The following ZZZ3 variants were observed in gnomAD, a reference collection of about 807,000 sequenced individuals.
ZZZ3 encodes the protein zinc finger ZZ-type containing 3.
Under a neutral mutation model 95.2 loss-of-function variants are expected in ZZZ3, and 22 were observed. The observed-to-expected ratio is 0.23, with a 90% confidence interval of 0.17 to 0.33. The LOEUF (loss-of-function observed/expected upper bound fraction) is 0.33. Among genes scored for constraint, ZZZ3 ranks in the 10% least tolerant of loss-of-function variants. ZZZ3 has a pLI of 1.00. For synonymous variants in ZZZ3, 335 were observed against 358.9 expected (o/e 0.93, Z 0.75); for missense variants, 885 against 1,066.5 (o/e 0.83, Z 2.37).
chr1:77,609,739 T>C (rs951591258), intron 5 of ZZZ3, among the ~76,000 whole-genome samples: 6 of 152,116 alleles, frequency 3.9e-5, no homozygotes, highest in Non-Finnish European at 8.8e-5. Context: ...AAGAGGATTT[T>C]GGAAACAATA....
intron 12 of ZZZ3, 116 bp downstream of exon 12, chr1:77,575,952 T>C (rs1016470166): frequency 1.2e-6 from 1 of 807,012 alleles, no homozygotes; most frequent in Non-Finnish European, 1.8e-6. Flanking sequence ...TTAAAAACTA[T>C]ACATTTGACT....
intron 5 of ZZZ3, among the ~76,000 whole-genome samples, chr1:77,626,022 G>C (rs1334198733): frequency 6.6e-6 from 1 of 151,738 alleles, no homozygotes; most frequent in African/African-American, 2.4e-5. Flanking sequence ...AAAAGAAAAG[G>C]TTAAATTATA....
chr1:77,637,140 G>A (rs1668377660), intron 4 of ZZZ3, among the ~76,000 whole-genome samples: 1 of 152,180 alleles, frequency 6.6e-6, no homozygotes, highest in African/African-American at 2.4e-5. Flanking sequence ...CCTTAGGCTA[G>A]TGAACCCAGA....
At chr1:77,625,074 A>T (rs1236076732) in intron 5 of ZZZ3, among the ~76,000 whole-genome samples, 3 of 152,152 alleles carry the variant, frequency 2.0e-5, no homozygotes, top group Non-Finnish European at 4.4e-5. Flanking sequence ...AGAAGGAAAA[A>T]AGTTGGGTTT....
At chr1:77,681,925 G>C (rs1457411971) in intron 1 of ZZZ3, among the ~76,000 whole-genome samples, 2 of 147,166 alleles carry the variant, frequency 1.4e-5, no homozygotes, top group African/African-American at 5.0e-5. Context: ...AAAATCACAT[G>C]AAACAGTCTG....
rs1216444879 is a variant in ZZZ3, at chr1:77,644,473, GAA to G, written c.-402-2820_-402-2819del. On this transcript the variant is annotated intron_variant, in intron 1 of 14. Coordinates refer to ENST00000370801, the MANE Select transcript of ZZZ3 (RefSeq NM_015534.6). ...CAAAGAAGAGTACATTTTCTGCTCA[GAA>G]CCACATGTTCAGTGTCTTGGATGCC... Among the ~76,000 whole-genome samples the G allele has an allele frequency of 3.3e-5, 5 of 152,288 alleles. No homozygotes were observed. In the East Asian group the frequency reaches 7.7e-4, roughly 24 times the overall value.
At chr1:77,652,699 G>A (rs534870244) in intron 1 of ZZZ3, among the ~76,000 whole-genome samples, 10 of 152,224 alleles carry the variant, frequency 6.6e-5, no homozygotes, top group Non-Finnish European at 1.3e-4. Context: ...CAACTTAAAG[G>A]TCCATCAACT....
intron 1 of ZZZ3, among the ~76,000 whole-genome samples, chr1:77,674,951 CAA>C (rs538347422): frequency 2.7e-4 from 20 of 73,574 alleles, no homozygotes; most frequent in East Asian, 4.6e-4. Context: ...GACTCGGTCT[CAA>C]AAAAAAAAAA....
chr1:77,572,856 G>C (rs1254215329), intron 12 of ZZZ3, among the ~76,000 whole-genome samples: 1 of 150,272 alleles, frequency 6.7e-6, no homozygotes, highest in Non-Finnish European at 1.5e-5. Context: ...ATGTTGCCCA[G>C]GCTGGTCTTG....
At chr1:77,580,811 T>C (rs112924481) in intron 9 of ZZZ3, 187 bp downstream of exon 9, 25,915 of 502,424 alleles carry the variant, frequency 0.052, 907 homozygotes, top group Non-Finnish European at 0.067. Flanking sequence ...TTTGTATTTT[T>C]AGTAGGGTTT....
Position 77,633,167 on chromosome 1 carries a change from T to C in ZZZ3, c.188A>G (p.Asn63Ser), listed in dbSNP as rs1422687230. The change falls in exon 5 of 15, where the codon AAT (asparagine) becomes AGT (serine). Residue 63 changes from asparagine to serine, a missense_variant. Transcript: ENST00000370801. ...TAAATCAGTGGTTCTCCCATTATTA[T>C]TTCCTTTCTGAATTGGCACAGGCTC... ...RPEPVPIQKG[N>S]NNGRTTDLKQ... 2 of 1,614,048 alleles carry C rather than the reference T, an allele frequency of 1.2e-6. No homozygotes were observed. The highest frequency in any genetic ancestry group is 1.7e-5 in the Admixed American group (1 of 59,988).
chr1:77,573,069 A>G (rs1661568749), intron 12 of ZZZ3, among the ~76,000 whole-genome samples: 1 of 152,066 alleles, frequency 6.6e-6, no homozygotes, highest in Non-Finnish European at 1.5e-5. Context: ...ATCTAAATTA[A>G]GTACCTCTTA....
chr1:77,581,661 C>A, intron 8 of ZZZ3, 115 bp downstream of exon 8: 1 of 781,096 alleles, frequency 1.3e-6, no homozygotes, highest in Non-Finnish European at 2.0e-6. Context: ...AAGTTCTTAT[C>A]TCCTTTATCT....
Position 77,576,123 on chromosome 1 carries a change from T to A in ZZZ3, c.2276A>T (p.Asp759Val). Residue 759 changes from aspartate to valine, a missense_variant, in exon 12 of 15, where the codon GAT becomes GTT. Coordinates refer to ENST00000370801, the MANE Select transcript of ZZZ3 (RefSeq NM_015534.6). ...GCTATGAAAACAAGATCGGTCATCA[T>A]CTTCATCCATATACACTGGCGGTTC... ...SHEPPVYMDE[D>V]DDRSCFHSHM... The A allele has an allele frequency of 1.2e-6, 2 of 1,613,252 alleles. No homozygotes were observed. The highest frequency in any genetic ancestry group is 1.7e-6 in the Non-Finnish European group (2 of 1,179,806).
chr1:77,618,665 T>C (rs1251652917), intron 5 of ZZZ3, among the ~76,000 whole-genome samples: 2 of 152,182 alleles, frequency 1.3e-5, no homozygotes, highest in Non-Finnish European at 2.9e-5. Context: ...CCTTTGTTGT[T>C]TGAGATACTC....
intron 5 of ZZZ3, among the ~76,000 whole-genome samples, chr1:77,595,750 G>C (rs1425665066): frequency 6.6e-6 from 1 of 151,990 alleles, no homozygotes; most frequent in Non-Finnish European, 1.5e-5. Flanking sequence ...AAATTGGAGA[G>C]AGATGAAAAT....
At chr1:77,631,211 G>C (rs1468827912) in intron 5 of ZZZ3, among the ~76,000 whole-genome samples, 2 of 152,260 alleles carry the variant, frequency 1.3e-5, no homozygotes, top group South Asian at 4.1e-4. Context: ...AATATTTTAA[G>C]ATAGTCTTCC....
intron 1 of ZZZ3, among the ~76,000 whole-genome samples, chr1:77,670,272 TGG>T (rs947732611): frequency 5.7e-5 from 7 of 122,614 alleles, no homozygotes; most frequent in African/African-American, 2.4e-4. Context: ...TTTTTTTTTT[TGG>T]GGGGGGGCAG....
chr1:77,661,210 C>T (rs546360587), intron 1 of ZZZ3, among the ~76,000 whole-genome samples: 58 of 152,042 alleles, frequency 3.8e-4, no homozygotes, highest in Non-Finnish European at 7.5e-4. Context: ...GGTCAGACCT[C>T]GAGACCAGTC....
Sources: allele counts gnomAD v4.1 joint callset (sites outside exome capture counted in the v4.1 genomes callset), GRCh38; gene constraint gnomAD v4.1.1; transcripts MANE v1.5; gene names NCBI Gene and HGNC (gene_info 2026-07-23, HGNC 2026-07-21).